PSMD5: variants seen among roughly 807,000 people sequenced by gnomAD.
The protein encoded by PSMD5 is proteasome 26S subunit, non-ATPase 5.
A neutral mutation model predicts 52.1 loss-of-function variants in PSMD5; 40 were observed. The ratio of observed to expected loss-of-function variants is 0.77; its 90% CI spans 0.60 to 1.00. PSMD5 has a LOEUF of 1.00. Ranked by LOEUF, PSMD5 falls within the 50% of genes least tolerant of loss-of-function variation. PSMD5 has a pLI of 0.00. For missense variants in PSMD5, 575 were observed against 605.2 expected (o/e 0.95, Z 0.52); for synonymous variants, 211 against 226.6 (o/e 0.93, Z 0.62).
At position 120,831,391 on chromosome 9, in the gene PSMD5, C is replaced by T; in HGVS notation, c.501G>A (p.Leu167=). 1 of 1,612,776 alleles carries T rather than the reference C, an allele frequency of 6.2e-7. No individual in the cohort carries two copies. Among genetic ancestry groups the T allele is most frequent in the Non-Finnish European group, 8.5e-7 (1 of 1,179,552 alleles). The change falls in exon 4 of 10, where the codon CTG becomes CTA. Residue 167 remains leucine, a synonymous_variant. Transcript: ENST00000210313. The part of the protein sequence containing the change: ...AGLEALFESN[L]LDDLKSVMKT... ...TCATTACACTTTTCAAATCATCCAG[C>T]AGATTGCTTTCAAATAAAGCCTCCA...
intron 6 of PSMD5, among the ~76,000 whole-genome samples, chr9:120,825,502 T>C (rs2045116016): frequency 6.6e-6 from 1 of 152,206 alleles, no homozygotes. Flanking sequence ...ATCTATATAG[T>C]GCTTTGGGCA....
chr9:120,829,039 A>C (rs569182140), intron 5 of PSMD5, 60 bp downstream of exon 5: 19 of 1,468,668 alleles, frequency 1.3e-5, no homozygotes, highest in Middle Eastern at 1.9e-4. Flanking sequence ...CAGATGTCCC[A>C]AGGTTGTTTC....
At chr9:120,829,519 C>A (rs1034837806) in intron 4 of PSMD5, among the ~76,000 whole-genome samples, 1 of 152,088 alleles carries the variant, frequency 6.6e-6, no homozygotes, top group Non-Finnish European at 1.5e-5. Flanking sequence ...TCAGCCTCCC[C>A]AGTAGCTGGG....
intron 9 of PSMD5, 124 bp downstream of exon 9, chr9:120,820,715 G>GAAGGTAGAA: frequency 1.1e-6 from 1 of 909,548 alleles, no homozygotes; most frequent in Non-Finnish European, 1.6e-6. Flanking sequence ...TAAGGTAGCA[G>GAAGGTAGAA]AAGGTAGAAA....
intron 1 of PSMD5, among the ~76,000 whole-genome samples, chr9:120,841,053 A>G (rs1369933429): frequency 1.3e-5 from 2 of 152,270 alleles, no homozygotes; most frequent in African/African-American, 4.8e-5. Flanking sequence ...CACCGGGCCT[A>G]CAAAGTGTTT....
chr9:120,820,173 T>A (rs1006968215), intron 9 of PSMD5, among the ~76,000 whole-genome samples: 7 of 152,334 alleles, frequency 4.6e-5, no homozygotes, highest in Admixed American at 2.0e-4. Flanking sequence ...TGTAATTATA[T>A]AAGTAACTGT....
chr9:120,835,432 A>T (rs1302057704), intron 1 of PSMD5, among the ~76,000 whole-genome samples: 1 of 152,206 alleles, frequency 6.6e-6, no homozygotes, highest in Admixed American at 6.5e-5. Context: ...ATCCATATAG[A>T]AAGTAGATTC....
Position 120,817,807 on chromosome 9 carries a change from T to C in PSMD5, c.*99A>G, listed in dbSNP as rs1408169357. 8.5e-6 allele frequency: 11 copies of C among 1,286,884 alleles called. No homozygotes were observed. The highest frequency in any genetic ancestry group is 1.2e-5 in the Non-Finnish European group (11 of 929,108). The allele number at this position is 1,286,884 out of a possible 1,614,324, so 79.7% of individuals were successfully genotyped here. ...ACATCTGACATTCCATGATAATTCTTGGGGAAAGGAAGTCTCTTTTGTGAA... is the reference window on the plus strand; with the variant it reads ...ACATCTGACATTCCATGATAATTCTCGGGGAAAGGAAGTCTCTTTTGTGAA... On this transcript the variant is annotated 3_prime_UTR_variant, in exon 10 of 10. Coordinates refer to ENST00000210313, the MANE Select transcript of PSMD5 (RefSeq NM_005047.4).
rs1008023322 is a variant in PSMD5, at chr9:120,842,503, T to C, written c.173+234A>G. 8.6e-6 allele frequency: 5 copies of C among 578,496 alleles called. No homozygotes were observed. The African/African-American group carries it at 9.5e-5, about 11-fold the overall frequency. 35.8% of individuals were successfully genotyped at this position (578,496 alleles called of 1,614,324 possible). On this transcript the variant is annotated intron_variant, in intron 1 of 9. Coordinates refer to ENST00000210313, the MANE Select transcript of PSMD5 (RefSeq NM_005047.4). ...TTTGATGAAGAAGGCAGTGCCTCAC[T>C]GCTCAGAGGCAGCGAGGCCAGGCGA...
chr9:120,829,416 C>T (rs768388448), intron 4 of PSMD5, among the ~76,000 whole-genome samples: 2 of 152,040 alleles, frequency 1.3e-5, no homozygotes, highest in Non-Finnish European at 2.9e-5. Flanking sequence ...ATTTTTGAGA[C>T]AGAGTCTCAC....
intron 1 of PSMD5, among the ~76,000 whole-genome samples, chr9:120,837,068 T>G (rs1036059380): frequency 6.6e-6 from 1 of 152,138 alleles, no homozygotes; most frequent in Non-Finnish European, 1.5e-5. Context: ...TTTTGGTATT[T>G]TTAGTAGAGA....
In PSMD5 at chr9:120,817,739, T is replaced by G. The variant is rs768031509; in HGVS notation, c.*167A>C. 6 of 788,194 alleles carry G rather than the reference T, an allele frequency of 7.6e-6. No homozygotes were observed. The highest frequency in any genetic ancestry group is 1.2e-5 in the Non-Finnish European group (6 of 510,336). 48.8% of individuals were successfully genotyped at this position (788,194 alleles called of 1,614,324 possible). On this transcript the variant is annotated 3_prime_UTR_variant, in exon 10 of 10. Coordinates refer to ENST00000210313, the MANE Select transcript of PSMD5 (RefSeq NM_005047.4). ...TGCATTCCAAACTCCTAGTTCCACT[T>G]TGCATTTCAATGTAGAAATATAACA... is the stretch of plus-strand genomic sequence containing the variant.
At position 120,826,925 on chromosome 9, in the gene PSMD5, CA is replaced by C; in HGVS notation, c.672-19del. 1 of 1,599,644 alleles carries C rather than the reference CA, an allele frequency of 6.3e-7. No individual in the cohort carries two copies. ...AGGTGGCTCTAAAATGTCAGAAGGA[CA>C]AAAACAAGGAGATTTTGCACAGGAT... On this transcript the variant is annotated intron_variant, in intron 5 of 9. Transcript: ENST00000210313.
intron 2 of PSMD5, among the ~76,000 whole-genome samples, chr9:120,832,337 T>C (rs190523712): frequency 1.3e-5 from 2 of 151,762 alleles, no homozygotes; most frequent in East Asian, 1.9e-4. Context: ...CCTGCTACAG[T>C]GTCTGGCATA....
intron 5 of PSMD5, among the ~76,000 whole-genome samples, chr9:120,827,849 CTG>C (rs1461658964): frequency 2.0e-5 from 3 of 152,274 alleles, no homozygotes; most frequent in Admixed American, 6.5e-5. Flanking sequence ...TATTAGTAAA[CTG>C]TGGAATATCA....
intron 3 of PSMD5, 151 bp downstream of exon 3, chr9:120,831,681 C>T: frequency 8.0e-7 from 1 of 1,256,258 alleles, no homozygotes; most frequent in Non-Finnish European, 1.1e-6. Context: ...ACTTGACAAC[C>T]ATTTATTTTA....
At chr9:120,841,726 A>T (rs2045239656) in intron 1 of PSMD5, 1 of 152,180 alleles carries the variant, frequency 6.6e-6, no homozygotes, top group Non-Finnish European at 1.5e-5. Flanking sequence ...CTGTTAACGG[A>T]TATTTAGATT....
At chr9:120,819,713 C>T (rs1378450885) in intron 9 of PSMD5, among the ~76,000 whole-genome samples, 3 of 151,966 alleles carry the variant, frequency 2.0e-5, no homozygotes, top group East Asian at 1.9e-4. Flanking sequence ...GGTGGGCGCC[C>T]GTAGGCTAGC....
intron 7 of PSMD5, among the ~76,000 whole-genome samples, chr9:120,823,183 G>A (rs1173299306): frequency 6.6e-6 from 1 of 151,508 alleles, no homozygotes; most frequent in Non-Finnish European, 1.5e-5. Context: ...TGATCCTCAT[G>A]GATGTTCCAT....
Sources: gnomAD v4.1 joint callset for allele counts (sites outside exome capture counted in the v4.1 genomes callset) on GRCh38, gnomAD v4.1.1 for gene constraint, MANE v1.5 for transcripts, NCBI Gene and HGNC (gene_info 2026-07-23, HGNC 2026-07-21) for gene names.